ADAMTS18: variants seen among roughly 807,000 people sequenced by gnomAD.
ADAMTS18 encodes ADAM metallopeptidase with thrombospondin type 1 motif 18.
ADAMTS18 carries 157 observed loss-of-function variants against 165.9 expected under a neutral mutation model. That is an observed-to-expected ratio of 0.95 (90% CI 0.83 to 1.08). ADAMTS18 has a LOEUF of 1.08. Among genes scored for constraint, ADAMTS18 ranks in the 50% least tolerant of loss-of-function variants. The pLI, the probability that ADAMTS18 is intolerant of heterozygous loss-of-function variation, is 0.00. For missense variants in ADAMTS18, 2,040 were observed against 1,534.0 expected (o/e 1.33, Z -5.51); for synonymous variants, 782 against 578.2 (o/e 1.35, Z -5.06).
chr16:77,321,279 G>C, intron 14 of ADAMTS18, 77 bp from the exon 15 acceptor site: 1 of 1,575,172 alleles, frequency 6.3e-7, no homozygotes, highest in Non-Finnish European at 8.7e-7. Context: ...GAGGTATATG[G>C]TTCTCTGTAT....
intron 13 of ADAMTS18, among the ~76,000 whole-genome samples, chr16:77,323,269 C>A (rs1407713862): frequency 6.6e-6 from 1 of 152,114 alleles, no homozygotes; most frequent in Non-Finnish European, 1.5e-5. Context: ...TGAGCGATAT[C>A]CCTAACAACA....
At chr16:77,348,836 G>C (rs545988367) in intron 10 of ADAMTS18, among the ~76,000 whole-genome samples, 8 of 152,212 alleles carry the variant, frequency 5.3e-5, no homozygotes, top group African/African-American at 1.9e-4. Context: ...ATCTCCCTGA[G>C]GAAATAAGGA....
intron 3 of ADAMTS18, among the ~76,000 whole-genome samples, chr16:77,386,878 T>C (rs2057115093): frequency 6.6e-6 from 1 of 152,166 alleles, no homozygotes; most frequent in Non-Finnish European, 1.5e-5. Context: ...TTTATTTAAC[T>C]TTGTGAAATC....
At chr16:77,424,190 C>T (rs1017386401) in intron 3 of ADAMTS18, among the ~76,000 whole-genome samples, 12 of 150,424 alleles carry the variant, frequency 8.0e-5, no homozygotes, top group African/African-American at 2.2e-4. Context: ...GCAGGCAGGC[C>T]GGGCGCGGTG....
intron 3 of ADAMTS18, among the ~76,000 whole-genome samples, chr16:77,424,172 A>T (rs1320627672): frequency 1.3e-5 from 2 of 150,236 alleles, no homozygotes; most frequent in African/African-American, 2.5e-5. Flanking sequence ...TCATACCCGA[A>T]AAGGCAGGCA....
At chr16:77,364,796 G>GCAAA (rs1446252965) in intron 4 of ADAMTS18, among the ~76,000 whole-genome samples, 1 of 148,116 alleles carries the variant, frequency 6.8e-6, no homozygotes, top group African/African-American at 2.6e-5. Context: ...GCAAAGCAAA[G>GCAAA]GAAAGAAAAG....
At chr16:77,290,893 A>C in intron 21 of ADAMTS18, 1 of 347,078 alleles carries the variant, frequency 2.9e-6, no homozygotes, top group South Asian at 2.7e-5. Context: ...ACATGATGTA[A>C]GAACCAAATG....
In ADAMTS18 at chr16:77,338,259, AG is replaced by A. The variant is rs368755394; in HGVS notation, c.1711-2356del. Among the ~76,000 whole-genome samples, 189 of 152,094 alleles carry A rather than the reference AG, an allele frequency of 1.2e-3. 2 individuals are homozygous for A. In the East Asian group the frequency reaches 0.022, roughly 17 times the overall value. ...GTTGTTGTTGTTGTTGTTTTTAGAC[AG>A]GTTATCACCCTGTCACCCAGGCTGA... On this transcript the variant is annotated intron_variant, in intron 11 of 22. Coordinates refer to ENST00000282849, the MANE Select transcript of ADAMTS18 (RefSeq NM_199355.4).
chr16:77,339,877 A>C (rs1167816511), intron 11 of ADAMTS18, among the ~76,000 whole-genome samples: 1 of 151,124 alleles, frequency 6.6e-6, no homozygotes, highest in East Asian at 1.9e-4. Context: ...TCTTTTTAAG[A>C]GATAGTGAAT....
Position 77,295,015 on chromosome 16 carries a change from G to A in ADAMTS18, c.2914C>T (p.His972Tyr), listed in dbSNP as rs1231964799. The A allele has an allele frequency of 1.2e-6, 2 of 1,614,170 alleles. No homozygotes were observed. The highest frequency in any genetic ancestry group is 2.2e-5 in the East Asian group (1 of 44,860). ...KPFQKEEAVL[H>Y]SLCPVSTPTQ... ...GGTGTGCTCACTGGACAGAGAGAAT[G>A]CAACACTGCTTCCTCCTTTTGGAAG... The change falls in exon 19 of 23, where the codon CAT becomes TAT. Residue 972 changes from histidine to tyrosine, a missense_variant. Coordinates refer to ENST00000282849, the MANE Select transcript of ADAMTS18 (RefSeq NM_199355.4).
Position 77,431,318 on chromosome 16 carries a change from C to T in ADAMTS18, c.472G>A (p.Ala158Thr), listed in dbSNP as rs759678579. Residue 158 changes from alanine (A) to threonine (T), a missense_variant, in exon 3 of 23, where the codon GCT becomes ACT. Physicochemically the swap from Ala to Thr is moderately conservative, Grantham distance 58. Transcript: ENST00000282849. ...ACCAAGCCAGCACACGTAGACACAG[C>T]GACAGAGGAGGAGCTGTCATTTCTG... is the stretch of plus-strand genomic sequence containing the variant. Reference protein sequence around the residue: ...FIRNDSSSSVAVSTCAGLSGL... With the variant: ...FIRNDSSSSVTVSTCAGLSGL... 19 of 1,613,986 alleles carry T rather than the reference C, an allele frequency of 1.2e-5. No individual in the cohort carries two copies. Among genetic ancestry groups the T allele is most frequent in the South Asian group, 2.2e-5 (2 of 91,080 alleles).
rs957403113 is a variant in ADAMTS18, at chr16:77,385,172, G to T, written c.496-17449C>A. Among the ~76,000 whole-genome samples the T allele has an allele frequency of 3.3e-5, 5 of 152,104 alleles. No homozygotes were observed. The South Asian group carries it at 8.3e-4, about 25-fold the overall frequency. ...GATCCACTCACCTCAGCCTCCCAAA[G>T]TGTTGGGATTACAGGAGTGAGCCAC... On this transcript the variant is annotated intron_variant, in intron 3 of 22. Transcript: ENST00000282849.
Position 77,335,780 on chromosome 16 carries a change from T to C in ADAMTS18, c.1835A>G (p.Gln612Arg). ...SRTCGGGVKFQERHCNNPKPQ... is the reference protein window; with the variant it reads ...SRTCGGGVKFRERHCNNPKPQ... The stretch of plus-strand genomic sequence containing the variant: ...CTTGGGGTTATTGCAGTGTCTCTCC[T>C]GGAACTTGACTCCTCCACCACATGT... The change falls in exon 12 of 23, where the codon CAG becomes CGG. Residue 612 changes from glutamine (Q) to arginine (R), a missense_variant. Physicochemically the swap from Gln to Arg is conservative, Grantham distance 43. Coordinates refer to ENST00000282849, the MANE Select transcript of ADAMTS18 (RefSeq NM_199355.4). 2 of 1,614,242 alleles carry C rather than the reference T, an allele frequency of 1.2e-6. No homozygotes were observed. Among genetic ancestry groups the C allele is most frequent in the South Asian group, 1.1e-5 (1 of 91,090 alleles).
chr16:77,322,849 C>CA (rs932528288), intron 13 of ADAMTS18, among the ~76,000 whole-genome samples: 13 of 152,032 alleles, frequency 8.6e-5, no homozygotes, highest in Non-Finnish European at 1.8e-4. Flanking sequence ...TCTGATGAAA[C>CA]AAATACACAC....
chr16:77,343,574 A>G (rs142854840), intron 10 of ADAMTS18, among the ~76,000 whole-genome samples: 2,607 of 152,248 alleles, frequency 0.017, 187 homozygotes, highest in Admixed American at 0.13. Context: ...ATGCTGTTGA[A>G]CTTTTAAAAT....
At chr16:77,294,522 T>C (rs1255715287) in intron 19 of ADAMTS18, among the ~76,000 whole-genome samples, 2 of 152,218 alleles carry the variant, frequency 1.3e-5, no homozygotes, top group Admixed American at 1.3e-4. Flanking sequence ...CCTACTTTTC[T>C]CTGTATTCTT....
At chr16:77,357,967 A>G (rs1368960922) in intron 8 of ADAMTS18, among the ~76,000 whole-genome samples, 1 of 152,166 alleles carries the variant, frequency 6.6e-6, no homozygotes, top group African/African-American at 2.4e-5. Flanking sequence ...AAGATAATGA[A>G]ATTTTTCAAT....
Position 77,284,585 on chromosome 16 carries a change from G to A in ADAMTS18, c.3551-514C>T, listed in dbSNP as rs992196266. On this transcript the variant is annotated intron_variant, in intron 22 of 22. Coordinates refer to ENST00000282849, the MANE Select transcript of ADAMTS18 (RefSeq NM_199355.4). ...ACTTTGGTAGGGGGGTGAGGTAGGG[G>A]CAGGATTTAGATGCCAAGAAAAGAC... is the stretch of plus-strand genomic sequence containing the variant. 3.3e-5 allele frequency among the ~76,000 whole-genome samples: 5 copies of A among 152,090 alleles called. No homozygotes were observed. The South Asian group carries it at 1.0e-3, about 32-fold the overall frequency.
intron 13 of ADAMTS18, 89 bp from the exon 14 acceptor site, chr16:77,322,555 TAGAA>T (rs1004097639): frequency 8.0e-6 from 12 of 1,497,864 alleles, no homozygotes; most frequent in Middle Eastern, 1.8e-4. Context: ...TAAATTTACT[TAGAA>T]AGCTATCATG....
Sources: gnomAD v4.1 joint callset for allele counts (sites outside exome capture counted in the v4.1 genomes callset) on GRCh38, gnomAD v4.1.1 for gene constraint, MANE v1.5 for transcripts, NCBI Gene and HGNC (gene_info 2026-07-23, HGNC 2026-07-21) for gene names.